Variants in LRRTM3 observed in about 807,000 individuals in gnomAD.
The protein encoded by LRRTM3 is leucine rich repeat transmembrane neuronal 3, also known as leucine-rich repeat transmembrane neuronal protein 3.
LRRTM3 carries 24 observed loss-of-function variants against 44.7 expected under a neutral mutation model. The ratio of observed to expected loss-of-function variants is 0.54; its 90% CI spans 0.39 to 0.76. LRRTM3 has a LOEUF of 0.76. Among genes scored for constraint, LRRTM3 ranks in the 30% least tolerant of loss-of-function variants. The pLI, the probability that LRRTM3 is intolerant of heterozygous loss-of-function variation, is 0.00. For synonymous variants in LRRTM3, 277 were observed against 278.7 expected (o/e 0.99, Z 0.06); for missense variants, 587 against 702.2 (o/e 0.84, Z 1.85).
chr10:67,034,058 C>A (rs1300803451), intron 2 of LRRTM3, among the ~76,000 whole-genome samples: 1 of 152,202 alleles, frequency 6.6e-6, no homozygotes, highest in Non-Finnish European at 1.5e-5. Context: ...AGGCGTGAGC[C>A]ACCGCGCCCG....
chr10:66,964,420 A>T (rs1395483353), intron 2 of LRRTM3, among the ~76,000 whole-genome samples: 1 of 152,150 alleles, frequency 6.6e-6, no homozygotes, highest in Non-Finnish European at 1.5e-5. Context: ...CTGGCACAAA[A>T]GTACTGTCTT....
At chr10:66,974,559 T>C (rs182571587) in intron 2 of LRRTM3, among the ~76,000 whole-genome samples, 20 of 152,348 alleles carry the variant, frequency 1.3e-4, no homozygotes, top group African/African-American at 4.1e-4. Context: ...AAGTGAATGC[T>C]TACCTTTTTA....
intron 2 of LRRTM3, among the ~76,000 whole-genome samples, chr10:67,029,539 T>C (rs781039112): frequency 1.6e-4 from 25 of 152,200 alleles, no homozygotes; most frequent in Non-Finnish European, 3.2e-4. Flanking sequence ...ATTTAAGCTA[T>C]AGCACTTAAG....
rs533757660 is a variant in LRRTM3 at position 67,097,675 on chromosome 10, A to G, written c.1625A>G (p.His542Arg). ...GGGGTGCATCATGAACTTCTCTCCC[A>G]TAAGTCCTTTGAAACGAATGCACAG... ...YCGVHHELLS[H>R]KSFETNAQED... The change falls in exon 3 of 3, where the codon CAT becomes CGT. Residue 542 changes from histidine (H) to arginine (R), a missense_variant. His to Arg is a conservative substitution (Grantham distance 29). This residue lies in a region of LRRTM3 where 315 missense variants were observed against 335.6 expected (regional missense o/e 0.94). Transcript: ENST00000361320. The G allele has an allele frequency of 4.3e-6, 7 of 1,612,780 alleles. No individual in the cohort carries two copies. The highest frequency in any genetic ancestry group is 2.7e-5 in the African/African-American group (2 of 74,924).
At chr10:67,069,842 T>C (rs1233568672) in intron 2 of LRRTM3, among the ~76,000 whole-genome samples, 1 of 152,158 alleles carries the variant, frequency 6.6e-6, no homozygotes, top group Non-Finnish European at 1.5e-5. Flanking sequence ...AGCATTTCTG[T>C]TTTGGCACTA....
chr10:66,965,845 T>C lies in LRRTM3; in HGVS notation c.1536+37393T>C, dbSNP rs372948090. On this transcript the variant is annotated intron_variant, in intron 2 of 2. Transcript: ENST00000361320. ...TTTTTTCTATGTTAAGTGAAAATAATGATTTCATGAAATGTGCCTTCCCAT... is the reference window on the plus strand; with the variant it reads ...TTTTTTCTATGTTAAGTGAAAATAACGATTTCATGAAATGTGCCTTCCCAT... Among the ~76,000 whole-genome samples, 4 of 152,270 alleles carry C rather than the reference T, an allele frequency of 2.6e-5. No homozygotes were observed. In the South Asian group the frequency reaches 8.3e-4, roughly 32 times the overall value.
At chr10:67,023,379 C>G (rs549871454) in intron 2 of LRRTM3, among the ~76,000 whole-genome samples, 16 of 152,066 alleles carry the variant, frequency 1.1e-4, no homozygotes, top group Non-Finnish European at 2.1e-4. Context: ...AAGTCAAGAA[C>G]TTCAGGAAAG....
intron 2 of LRRTM3, among the ~76,000 whole-genome samples, chr10:67,010,321 C>T (rs1318744327): frequency 6.6e-6 from 1 of 152,078 alleles, no homozygotes; most frequent in Non-Finnish European, 1.5e-5. Flanking sequence ...GATACAGTAA[C>T]AGAAAATCCA....
intron 2 of LRRTM3, among the ~76,000 whole-genome samples, chr10:67,085,018 A>G (rs1341578623): frequency 2.0e-5 from 3 of 151,990 alleles, no homozygotes; most frequent in African/African-American, 7.2e-5. Flanking sequence ...TCCTAATGAT[A>G]CTGAAGATCT....
intron 2 of LRRTM3, among the ~76,000 whole-genome samples, chr10:67,043,864 C>T (rs1854559262): frequency 6.6e-6 from 1 of 151,150 alleles, no homozygotes; most frequent in South Asian, 2.1e-4. Flanking sequence ...TTCTATATGC[C>T]CAACATTCTG....
chr10:66,985,358 A>G (rs1850670683), intron 2 of LRRTM3, among the ~76,000 whole-genome samples: 1 of 152,202 alleles, frequency 6.6e-6, no homozygotes, highest in Admixed American at 6.5e-5. Context: ...GAATAAAGGA[A>G]GAAACAGTTC....
intron 2 of LRRTM3, among the ~76,000 whole-genome samples, chr10:66,942,390 A>G (rs750979081): frequency 6.6e-6 from 1 of 152,206 alleles, no homozygotes; most frequent in African/African-American, 2.4e-5. Context: ...TCTATTAAGT[A>G]TTCTTCTGTA....
intron 2 of LRRTM3, among the ~76,000 whole-genome samples, chr10:67,082,153 G>T (rs1208322293): frequency 6.6e-6 from 1 of 152,038 alleles, no homozygotes; most frequent in Non-Finnish European, 1.5e-5. Flanking sequence ...AAAAAACAGA[G>T]AATTTTTATA....
chr10:66,965,445 G>T (rs990942974), intron 2 of LRRTM3, among the ~76,000 whole-genome samples: 4 of 151,286 alleles, frequency 2.6e-5, no homozygotes, highest in African/African-American at 9.7e-5. Context: ...TGAGGCAGGG[G>T]AATCGCTTGA....
chr10:67,074,150 A>C (rs2723389), intron 2 of LRRTM3, among the ~76,000 whole-genome samples: 85,622 of 147,462 alleles, frequency 0.58, 24,928 homozygotes, highest in Middle Eastern at 0.7. Context: ...CTCCTTCCTC[A>C]GCCTCCCAAG....
At chr10:66,971,259 C>A (rs1430260099) in intron 2 of LRRTM3, among the ~76,000 whole-genome samples, 1 of 151,980 alleles carries the variant, frequency 6.6e-6, no homozygotes, top group Non-Finnish European at 1.5e-5. Context: ...AACCCCGTCT[C>A]TACTAAAAAT....
At chr10:67,003,363 A>G (rs941390406) in intron 2 of LRRTM3, among the ~76,000 whole-genome samples, 1 of 152,146 alleles carries the variant, frequency 6.6e-6, no homozygotes, top group Non-Finnish European at 1.5e-5. Flanking sequence ...AGCTTCACAT[A>G]CTGTACAAAG....
Position 67,097,722 on chromosome 10 carries a change from C to A in LRRTM3, c.1672C>A (p.Leu558Ile). 6.2e-7 allele frequency: 1 copy of A among 1,612,632 alleles called. No homozygotes were observed. The highest frequency in any genetic ancestry group is 8.5e-7 in the Non-Finnish European group (1 of 1,179,050). The stretch of plus-strand genomic sequence containing the variant: ...ACAGGAAGATACGATGGAAACACAC[C>A]TAGAGACTGAGCTGGACCTGAGCAC... The part of the protein sequence containing the change: ...NAQEDTMETH[L>I]ETELDLSTIT... The change falls in exon 3 of 3, where the codon CTA becomes ATA. Residue 558 changes from leucine (L) to isoleucine (I), a missense_variant. By Grantham distance (5) the Leu-to-Ile change is conservative. Around this residue, in one of 3 missense-constraint regions of LRRTM3, gnomAD observed 315 missense variants for 335.6 expected, o/e 0.94. Coordinates refer to ENST00000361320, the MANE Select transcript of LRRTM3 (RefSeq NM_178011.5).
chr10:66,980,920 T>G (rs1850393505), intron 2 of LRRTM3, among the ~76,000 whole-genome samples: 1 of 151,976 alleles, frequency 6.6e-6, no homozygotes, highest in African/African-American at 2.4e-5. Flanking sequence ...ATTTATTTAT[T>G]TTTGAGACAG....
Sources: allele counts gnomAD v4.1 joint callset (sites outside exome capture counted in the v4.1 genomes callset), GRCh38; gene constraint gnomAD v4.1.1; regional missense constraint gnomAD v4.1.1; transcripts MANE v1.5; gene names NCBI Gene and HGNC (gene_info 2026-07-23, HGNC 2026-07-21).